The following ZNF541 variants were observed in gnomAD, a reference collection of about 807,000 sequenced individuals.
ZNF541 encodes zinc finger protein 541.
In ZNF541, 23 loss-of-function variants were observed where a neutral mutation model predicts 123.5. The observed-to-expected ratio is 0.19, with a 90% confidence interval of 0.13 to 0.26. The LOEUF (loss-of-function observed/expected upper bound fraction) is 0.26. ZNF541 is among the 10% of genes least tolerant of loss of function. The pLI is 1.00. For synonymous variants in ZNF541, 751 were observed against 754.5 expected (o/e 1.00, Z 0.08); for missense variants, 1,612 against 1,789.9 (o/e 0.90, Z 1.79).
chr19:47,531,309 A>G (rs1395498267), intron 12 of ZNF541, among the ~76,000 whole-genome samples: 2 of 149,298 alleles, frequency 1.3e-5, no homozygotes, highest in Admixed American at 6.8e-5. Context: ...TAAGTTTTCA[A>G]TTGAAAGCTA....
At position 47,535,712 on chromosome 19, in the gene ZNF541, T is replaced by C. The variant is rs142384437; in HGVS notation, c.3094+2430A>G. ...TTGGAAGGCCAATGCAGGAGGACTG[T>C]TTCACCCCAGAGTTGTTTTTTTTTT... is the stretch of plus-strand genomic sequence containing the variant. On this transcript the variant is annotated intron_variant, in intron 9 of 16. Transcript: ENST00000391901. Among the ~76,000 whole-genome samples the C allele has an allele frequency of 7.0e-4, 106 of 152,094 alleles. 2 individuals carry two copies. The East Asian group carries it at 0.02, about 28-fold the overall frequency.
intron 2 of ZNF541, among the ~76,000 whole-genome samples, chr19:47,570,035 G>C (rs1971417225): frequency 6.6e-6 from 1 of 152,132 alleles, no homozygotes; most frequent in African/African-American, 2.4e-5. Flanking sequence ...AGCACTTTGG[G>C]AGGCTGAGGC....
intron 2 of ZNF541, among the ~76,000 whole-genome samples, chr19:47,569,473 C>A (rs1213474142): frequency 2.6e-5 from 4 of 152,068 alleles, no homozygotes; most frequent in Non-Finnish European, 5.9e-5. Flanking sequence ...AATTTCGAAA[C>A]CCTTACGCTT....
At chr19:47,526,055 A>G (rs897285240) in intron 14 of ZNF541, among the ~76,000 whole-genome samples, 4 of 152,240 alleles carry the variant, frequency 2.6e-5, no homozygotes, top group Non-Finnish European at 4.4e-5. Flanking sequence ...CTTCATCAAA[A>G]TGACAAAATT....
At chr19:47,548,316 G>A (rs183379903) in intron 4 of ZNF541, among the ~76,000 whole-genome samples, 2 of 150,936 alleles carry the variant, frequency 1.3e-5, no homozygotes, top group African/African-American at 2.4e-5. Flanking sequence ...GGTGGCATGC[G>A]CCTGTAGTCC....
In ZNF541 at chr19:47,544,917, A is replaced by T; in HGVS notation, c.1612T>A (p.Phe538Ile). Residue 538 changes from phenylalanine (F) to isoleucine (I), a missense_variant, in exon 5 of 17, where the codon TTC (phenylalanine) becomes ATC (isoleucine). By Grantham distance (21) the Phe-to-Ile change is conservative. Coordinates refer to ENST00000391901, the MANE Select transcript of ZNF541 (RefSeq NM_001277075.3). ...GGLPADASPL[F>I]RQLFLKSQEP... The stretch of plus-strand genomic sequence containing the variant: ...TGCGACTTGAGGAAGAGCTGGCGGA[A>T]GAGCGGCGAGGCATCCGCAGGGAGC... 1 of 1,535,920 alleles carries T rather than the reference A, an allele frequency of 6.5e-7. No homozygotes were observed. The highest frequency in any genetic ancestry group is 8.7e-7 in the Non-Finnish European group (1 of 1,146,772).
intron 3 of ZNF541, among the ~76,000 whole-genome samples, chr19:47,550,425 AAAAG>A (rs147335106): frequency 0.022 from 3,305 of 152,168 alleles, 115 homozygotes; most frequent in African/African-American, 0.074. Context: ...AAGAAAAAGA[AAAAG>A]AAAGGAAAAG....
rs561080145 is a variant in ZNF541 at position 47,542,782 on chromosome 19, C to A, written c.2403+1344G>T. ...CCAAGATGGTGAAACCTCGTCTCTACTAAACACACAAAAATTAGCCAGATG... is the reference window on the plus strand; with the variant it reads ...CCAAGATGGTGAAACCTCGTCTCTAATAAACACACAAAAATTAGCCAGATG... On this transcript the variant is annotated intron_variant, in intron 5 of 16. Coordinates refer to ENST00000391901, the MANE Select transcript of ZNF541 (RefSeq NM_001277075.3). Among the ~76,000 whole-genome samples the A allele has an allele frequency of 4.1e-4, 63 of 152,142 alleles. 1 individual carries two copies. The highest frequency in any genetic ancestry group is 1.5e-3 in the African/African-American group (61 of 41,490).
chr19:47,552,002 C>T (rs2123243760), intron 3 of ZNF541, among the ~76,000 whole-genome samples: 1 of 152,074 alleles, frequency 6.6e-6, no homozygotes, highest in East Asian at 1.9e-4. Context: ...AGATTAGAGG[C>T]GCCTGCCACC....
chr19:47,532,879 A>G, intron 10 of ZNF541, 30 bp downstream of exon 10: 1 of 1,547,482 alleles, frequency 6.5e-7, no homozygotes, highest in Non-Finnish European at 8.7e-7. Context: ...GTGGGGTAAA[A>G]GCAGCTTCAC....
intron 2 of ZNF541, among the ~76,000 whole-genome samples, chr19:47,563,003 G>A (rs1271401579): frequency 3.9e-5 from 6 of 152,288 alleles, no homozygotes; most frequent in African/African-American, 1.4e-4. Flanking sequence ...TGAATAACGG[G>A]AGTTTGGGAC....
Position 47,549,495 on chromosome 19 carries a change from G to A in ZNF541, c.308-10C>T. 1 of 1,551,710 alleles carries A rather than the reference G, an allele frequency of 6.4e-7. No homozygotes were observed. Among genetic ancestry groups the A allele is most frequent in the Non-Finnish European group, 8.7e-7 (1 of 1,147,028 alleles). Reference sequence around the variant, plus strand: ...ACACCTAGCCCCAGGTCTAAACAGAGGGAGAAAGCACAGGTTATACACAGC... The same window carrying A: ...ACACCTAGCCCCAGGTCTAAACAGAAGGAGAAAGCACAGGTTATACACAGC... On this transcript the variant is annotated splice_polypyrimidine_tract_variant and intron_variant, in intron 3 of 16. Transcript: ENST00000391901.
In ZNF541 at chr19:47,528,041, G is replaced by A. The variant is rs1460859749; in HGVS notation, c.3570+909C>T. Among the ~76,000 whole-genome samples the A allele has an allele frequency of 2.9e-3, 384 of 133,866 alleles. 1 individual carries two copies. The highest frequency in any genetic ancestry group is 9.8e-3 in the African/African-American group (355 of 36,074). 87.8% of individuals were successfully genotyped at this position (133,866 alleles called of 152,430 possible). On this transcript the variant is annotated intron_variant, in intron 14 of 16. Transcript: ENST00000391901. ...TTTGAGACAGAGTCCTGGGCCGGGCGCCGTGGCTCACGCCTGTAATCCCAG... is the reference window on the plus strand; with the variant it reads ...TTTGAGACAGAGTCCTGGGCCGGGCACCGTGGCTCACGCCTGTAATCCCAG...
At chr19:47,538,560 G>T (rs552548307) in intron 8 of ZNF541, 121 bp from the exon 9 acceptor site, 8 of 1,088,530 alleles carry the variant, frequency 7.3e-6, no homozygotes, top group Non-Finnish European at 8.9e-6. Context: ...GGAAATGCAC[G>T]CCCGGCAAAG....
intron 8 of ZNF541, 147 bp from the exon 9 acceptor site, chr19:47,538,586 T>A: frequency 1.2e-6 from 1 of 801,306 alleles, no homozygotes; most frequent in Non-Finnish European, 1.9e-6. Flanking sequence ...TGGCCACACC[T>A]GAGCCAGACC....
At chr19:47,526,265 T>G (rs1268524251) in intron 14 of ZNF541, among the ~76,000 whole-genome samples, 1 of 152,012 alleles carries the variant, frequency 6.6e-6, no homozygotes, top group Non-Finnish European at 1.5e-5. Flanking sequence ...GCAGATCACC[T>G]GAGGTTGGGA....
At chr19:47,543,869 C>T (rs1056731792) in intron 5 of ZNF541, among the ~76,000 whole-genome samples, 2 of 152,044 alleles carry the variant, frequency 1.3e-5, no homozygotes, top group African/African-American at 4.8e-5. Flanking sequence ...ATCTCGAACT[C>T]CTGAGCTCAA....
chr19:47,532,848 A>C, intron 10 of ZNF541, 61 bp downstream of exon 10: 2 of 1,506,078 alleles, frequency 1.3e-6, no homozygotes, highest in Non-Finnish European at 1.8e-6. Flanking sequence ...ACCCTTGGGA[A>C]AAGTGACACT....
intron 2 of ZNF541, among the ~76,000 whole-genome samples, chr19:47,570,137 G>A (rs946957820): frequency 6.6e-6 from 1 of 151,866 alleles, no homozygotes. Context: ...AGCCAGGAGT[G>A]GTAGCGGGTG....
Sources: gnomAD v4.1 joint callset for allele counts (sites outside exome capture counted in the v4.1 genomes callset) on GRCh38, gnomAD v4.1.1 for gene constraint, MANE v1.5 for transcripts, NCBI Gene and HGNC (gene_info 2026-07-23, HGNC 2026-07-21) for gene names.